Variants in CYGB observed in about 807,000 individuals in gnomAD.
CYGB encodes the protein histoglobin.
CYGB carries 13 observed loss-of-function variants against 20.7 expected under a neutral mutation model. The ratio of observed to expected loss-of-function variants is 0.63; its 90% CI spans 0.41 to 1.00. CYGB has a LOEUF of 1.00. Among genes scored for constraint, CYGB ranks in the 50% least tolerant of loss-of-function variants. The pLI is 0.00. For missense variants in CYGB, 218 were observed against 257.2 expected, an observed-to-expected ratio of 0.85 and a Z score of 1.04; for synonymous variants, 93 against 107.4, an observed-to-expected ratio of 0.87 and a Z score of 0.83.
upstream of CYGB, chr17:76,539,985 C>T: frequency 2.7e-6 from 2 of 734,188 alleles, no homozygotes; most frequent in Non-Finnish European, 4.6e-6. Context: ...AAGGTCGGGG[C>T]CGCTGACCCA....
At chr17:76,529,447 G>A (rs1188377699) in intron 3 of CYGB, 1 of 985,368 alleles carries the variant, frequency 1.0e-6, no homozygotes, top group East Asian at 1.1e-4. Context: ...CCCTAGGGCA[G>A]GGTGGGGAGG....
At chr17:76,540,629 G>T, upstream of CYGB, 1 of 1,552,840 alleles carries the variant, frequency 6.4e-7, no homozygotes, top group Non-Finnish European at 8.9e-7. The surrounding 1 kb of genome is among the most constrained non-coding windows in gnomAD (Gnocchi z 5.0). Context: ...AGCTGTGGCT[G>T]TGCATGCCTG....
At chr17:76,548,767 T>G (rs780407092) in intron 1 of CYGB, among the ~76,000 whole-genome samples, 1 of 152,242 alleles carries the variant, frequency 6.6e-6, no homozygotes. Flanking sequence ...TGCCAGGCAC[T>G]GTGGATCCAG....
chr17:76,545,755 T>A (rs779170268), intron 1 of CYGB: 2 of 235,042 alleles, frequency 8.5e-6, no homozygotes, highest in African/African-American at 2.3e-5. Context: ...ATGCTTAGCA[T>A]GTTGGGTAAG....
In CYGB at chr17:76,533,447, G is replaced by A. The variant is rs569730512; in HGVS notation, c.144-1756C>T. On this transcript the variant is annotated intron_variant, in intron 1 of 3. Transcript: ENST00000293230. The surrounding 1 kb of genome is among the most constrained non-coding windows in gnomAD (Gnocchi z 4.5). ...TGCAATAAAAAATAATGATATGGCC[G>A]GGCACGGTGGCTCACGCCTATAATC... Among the ~76,000 whole-genome samples the A allele has an allele frequency of 6.6e-6, 1 of 152,212 alleles. No individual in the cohort carries two copies. Among genetic ancestry groups the A allele is most frequent in the South Asian group, 2.1e-4 (1 of 4,832 alleles).
upstream of CYGB, among the ~76,000 whole-genome samples, chr17:76,540,975 C>T (rs1037655581): frequency 6.6e-6 from 1 of 152,210 alleles, no homozygotes; most frequent in African/African-American, 2.4e-5. The surrounding 1 kb of genome is among the most constrained non-coding windows in gnomAD (Gnocchi z 5.0). Context: ...GCCTGAGCCT[C>T]CAGCAGGATT....
At chr17:76,540,262 GGCAT>G (rs1478383889), upstream of CYGB, 55 of 738,222 alleles carry the variant, frequency 7.5e-5, no homozygotes, top group Admixed American at 2.1e-4. The surrounding 1 kb of genome is among the most constrained non-coding windows in gnomAD (Gnocchi z 5.0). Context: ...GGGGGGGGGG[GGCAT>G]GGGGCTGGGC....
upstream of CYGB, chr17:76,537,922 G>C (rs1257363531): frequency 1.3e-5 from 2 of 151,262 alleles, no homozygotes; most frequent in African/African-American, 4.8e-5. Flanking sequence ...CCACGGCGGA[G>C]TTGCACCGCG....
intron 1 of CYGB, among the ~76,000 whole-genome samples, chr17:76,547,714 G>C (rs976741630): frequency 2.8e-5 from 4 of 141,292 alleles, no homozygotes; most frequent in Admixed American, 7.0e-5. Flanking sequence ...CACACACACA[G>C]AGACACATAC....
chr17:76,540,593 T>TG (rs2074979948), upstream of CYGB: 1 of 1,611,590 alleles, frequency 6.2e-7, no homozygotes, highest in Non-Finnish European at 8.5e-7. This position sits in a 1 kb window ranked among gnomAD's most constrained non-coding sequence, Gnocchi z 5.0. Context: ...GAGTCTGGGC[T>TG]GGGGGAGGGA....
At chr17:76,540,448 G>C, upstream of CYGB, 4 of 1,582,916 alleles carry the variant, frequency 2.5e-6, no homozygotes, top group African/African-American at 1.3e-5. This position sits in a 1 kb window ranked among gnomAD's most constrained non-coding sequence, Gnocchi z 5.0. Context: ...CCTGTGGAGG[G>C]ACAGTGAGGG....
At position 76,527,868 on chromosome 17, in the gene CYGB, C is replaced by T. The variant is rs1302780811; in HGVS notation, c.*710G>A. 2 of 446,582 alleles carry T rather than the reference C, an allele frequency of 4.5e-6. No individual in the cohort carries two copies. The highest frequency in any genetic ancestry group is 9.1e-6 in the Non-Finnish European group (2 of 220,846). The allele number at this position is 446,582 out of a possible 1,614,324, so 27.7% of individuals were successfully genotyped here. A position where few individuals can be genotyped will look rare whatever the true frequency, so the allele number is the denominator to read the frequency against. Reference sequence around the variant, plus strand: ...TTCCTCTGAGGGAGTAGGGGGAGCCCACTCCTTTCTGCCTGGAAGTGGAAT... The same window carrying T: ...TTCCTCTGAGGGAGTAGGGGGAGCCTACTCCTTTCTGCCTGGAAGTGGAAT... On this transcript the variant is annotated 3_prime_UTR_variant, in exon 4 of 4. Coordinates refer to ENST00000293230, the MANE Select transcript of CYGB (RefSeq NM_134268.5).
rs2074840625 is a variant in CYGB, at chr17:76,531,408, A to G, written c.375+52T>C. The G allele has an allele frequency of 6.4e-7, 1 of 1,570,780 alleles. No homozygotes were observed. The highest frequency in any genetic ancestry group is 1.3e-5 in the African/African-American group (1 of 74,294). ...CCGTCGCAGAGCCTGCGAGCTGCAG[A>G]TGGCCATGACGCGTGGGCGGTGGGG... On this transcript the variant is annotated intron_variant, in intron 2 of 3. Transcript: ENST00000293230. The surrounding 1 kb of genome is among the most constrained non-coding windows in gnomAD (Gnocchi z 7.4).
In CYGB at chr17:76,537,586, GGCGGGGCGCGGGGC is replaced by G. The variant is rs747063204; in HGVS notation, c.-58_-45del. ...CCCGGCTTTGCTCGGCGGCGGCGGT[GGCGGGGCGCGGGGC>G]GCGGGGCGCGGGGCGCCGGGAGCCG... On this transcript the variant is annotated 5_prime_UTR_variant, in exon 1 of 4. Transcript: ENST00000293230. 269 of 1,208,478 alleles carry G rather than the reference GGCGGGGCGCGGGGC, an allele frequency of 2.2e-4. No individual in the cohort carries two copies. The highest frequency in any genetic ancestry group is 6.0e-4 in the East Asian group (17 of 28,316). 74.9% of individuals were successfully genotyped at this position (1,208,478 alleles called of 1,614,324 possible).
intron 1 of CYGB, 127 bp downstream of exon 1, chr17:76,537,273 C>CCGT (rs1484420747): frequency 8.8e-7 from 1 of 1,141,038 alleles, no homozygotes; most frequent in Non-Finnish European, 1.1e-6. Flanking sequence ...GCTCCGCCGA[C>CCGT]CTCGGACCGG....
chr17:76,537,910 G>A (rs1322202246), upstream of CYGB: 1 of 150,972 alleles, frequency 6.6e-6, no homozygotes, highest in African/African-American at 2.4e-5. Context: ...CCCACCCGCA[G>A]GCCACGGCGG....
intron 1 of CYGB, chr17:76,543,099 G>T (rs544856511): frequency 7.9e-5 from 37 of 471,288 alleles, no homozygotes; most frequent in Non-Finnish European, 1.5e-4. Flanking sequence ...GAGGGAGAAT[G>T]GGGGGAAGCA....
At chr17:76,537,272 A>C in intron 1 of CYGB, 128 bp downstream of exon 1, 1 of 1,118,366 alleles carries the variant, frequency 8.9e-7, no homozygotes. Flanking sequence ...TGCTCCGCCG[A>C]CCTCGGACCG....
intron 1 of CYGB, chr17:76,544,031 C>A (rs1249474974): frequency 1.5e-5 from 7 of 455,036 alleles, no homozygotes; most frequent in African/African-American, 1.4e-4. Context: ...TCAGTCCCGG[C>A]GGCTGCCTCC....
Sources: allele counts gnomAD v4.1 joint callset (sites outside exome capture counted in the v4.1 genomes callset), GRCh38; gene constraint gnomAD v4.1.1; non-coding constraint Gnocchi (gnomAD v3.1); transcripts MANE v1.5; gene names NCBI Gene and HGNC (gene_info 2026-07-23, HGNC 2026-07-21).